Variants in ABI3BP observed in about 807,000 individuals in gnomAD.
ABI3BP encodes the protein ABI family member 3 binding protein.
A neutral mutation model predicts 268.6 loss-of-function variants in ABI3BP; 216 were observed. The observed-to-expected ratio is 0.80, with a 90% CI of 0.72 to 0.90. The LOEUF is 0.90. ABI3BP is among the 40% of genes least tolerant of loss of function. The probability of loss-of-function intolerance (pLI) is 0.00; values close to 1 mark genes in which losing one functional copy is unlikely to be tolerated. For missense variants in ABI3BP, 2,090 were observed against 2,182.4 expected (o/e 0.96, Z 0.84); for synonymous variants, 730 against 730.0 (o/e 1.00, Z 0.00).
chr3:100,761,300 C>T (rs1265194020), intron 63 of ABI3BP, among the ~76,000 whole-genome samples: 2 of 152,122 alleles, frequency 1.3e-5, no homozygotes, highest in Non-Finnish European at 2.9e-5. Flanking sequence ...CCTGTGTTAA[C>T]ATCTCTTTTG....
chr3:100,800,852 T>C (rs958207757), intron 51 of ABI3BP, among the ~76,000 whole-genome samples: 3 of 152,246 alleles, frequency 2.0e-5, no homozygotes, highest in African/African-American at 7.2e-5. Context: ...TTAAAATCTA[T>C]CTTAAAGCTC....
At chr3:100,774,473 C>A in intron 61 of ABI3BP, 132 bp downstream of exon 61, 2 of 645,514 alleles carry the variant, frequency 3.1e-6, no homozygotes, top group South Asian at 2.3e-5. Flanking sequence ...CTTGCAGACA[C>A]CCATGAAAAA....
At chr3:100,876,670 C>T in intron 6 of ABI3BP, 110 bp from the exon 7 acceptor site, 1 of 924,274 alleles carries the variant, frequency 1.1e-6, no homozygotes, top group South Asian at 1.5e-5. Flanking sequence ...ATGAAGTCTC[C>T]TGTGACACTG....
intron 56 of ABI3BP, 143 bp from the exon 57 acceptor site, chr3:100,787,945 A>G: frequency 2.0e-6 from 1 of 504,810 alleles, no homozygotes. Context: ...TATAGAAACC[A>G]CAGTCTCGTA....
intron 1 of ABI3BP, among the ~76,000 whole-genome samples, chr3:100,953,892 AAAAG>A: frequency 6.6e-6 from 1 of 152,342 alleles, no homozygotes; most frequent in Admixed American, 6.5e-5. Context: ...AGTTTGATTA[AAAAG>A]AAAGGATCAT....
chr3:100,815,928 A>T lies in ABI3BP; in HGVS notation c.3273T>A (p.Ala1091=). ...AATCATTACCAAATGTTGTTCCTGGAGCATCAGTACTATGAACAACAGGTT... is the reference window on the plus strand; with the variant it reads ...AATCATTACCAAATGTTGTTCCTGGTGCATCAGTACTATGAACAACAGGTT... ...GFEPVVHSTD[A]PGTTFALTEL... Residue 1091 remains alanine, a synonymous_variant, in exon 44 of 68, where the codon GCT becomes GCA. Transcript: ENST00000471714. The T allele has an allele frequency of 1.3e-6, 2 of 1,524,752 alleles. No individual in the cohort carries two copies. Among genetic ancestry groups the T allele is most frequent in the Non-Finnish European group, 1.7e-6 (2 of 1,143,778 alleles). The allele number at this position is 1,524,752 out of a possible 1,614,324, so 94.5% of individuals were successfully genotyped here.
chr3:100,915,157 C>T (rs2058168519), intron 2 of ABI3BP, among the ~76,000 whole-genome samples: 1 of 152,144 alleles, frequency 6.6e-6, no homozygotes, highest in Non-Finnish European at 1.5e-5. Context: ...CTTCCCCCTC[C>T]ACTTACTATC....
At chr3:100,978,506 A>G (rs886402489) in intron 1 of ABI3BP, among the ~76,000 whole-genome samples, 1 of 152,168 alleles carries the variant, frequency 6.6e-6, no homozygotes, top group South Asian at 2.1e-4. Context: ...AAACCTTTCA[A>G]CTGAAGTTTT....
chr3:100,864,904 G>A lies in ABI3BP; in HGVS notation c.992C>T (p.Thr331Ile). The change falls in exon 11 of 68, where the codon ACT becomes ATT. Residue 331 changes from threonine (T) to isoleucine (I), a missense_variant. By Grantham distance (89) the Thr-to-Ile change is moderately conservative (BLOSUM62 -1). Transcript: ENST00000471714. ...EKISARPTTV[T>I]PETVPRSTKP... ...AGTGCTTCTTGGAACTGTTTCAGGA[G>A]TCACTGAAAGGTAAAAAGCACAACT... 6.2e-7 allele frequency: 1 copy of A among 1,601,768 alleles called. No homozygotes were observed. Among genetic ancestry groups the A allele is most frequent in the Middle Eastern group, 2.1e-4 (1 of 4,772 alleles).
intron 2 of ABI3BP, chr3:100,911,089 G>A (rs372955521): frequency 9.0e-5 from 25 of 278,060 alleles, no homozygotes; most frequent in African/African-American, 4.7e-4. Context: ...TGTTTTACAT[G>A]GTTTGTCTTA....
intron 1 of ABI3BP, among the ~76,000 whole-genome samples, chr3:100,986,703 G>C (rs2153979283): frequency 6.6e-6 from 1 of 152,180 alleles, no homozygotes. Context: ...TTGACCTCAA[G>C]TAATCTGCTC....
intron 2 of ABI3BP, among the ~76,000 whole-genome samples, chr3:100,920,427 A>C (rs559096827): frequency 1.3e-5 from 2 of 151,918 alleles, no homozygotes; most frequent in South Asian, 4.2e-4. Context: ...TTTTTTTTAA[A>C]TTTTTTATTT....
intron 29 of ABI3BP, 75 bp downstream of exon 29, chr3:100,834,609 G>A (rs1451029696): frequency 2.0e-5 from 28 of 1,373,490 alleles, no homozygotes; most frequent in Non-Finnish European, 2.4e-5. Flanking sequence ...GGGTTATAAA[G>A]TGGCATGTTA....
At chr3:100,904,594 C>T (rs142182631) in intron 2 of ABI3BP, among the ~76,000 whole-genome samples, 255 of 152,246 alleles carry the variant, frequency 1.7e-3, no homozygotes, top group African/African-American at 5.8e-3. Flanking sequence ...TGTGAGAGAC[C>T]GTACTTTCCA....
chr3:100,928,212 A>C (rs2062455478), intron 1 of ABI3BP, among the ~76,000 whole-genome samples: 1 of 152,076 alleles, frequency 6.6e-6, no homozygotes, highest in African/African-American at 2.4e-5. Flanking sequence ...GGGGTTTTAG[A>C]TAAAGGATTC....
intron 1 of ABI3BP, among the ~76,000 whole-genome samples, chr3:100,977,366 G>A (rs2153927638): frequency 6.6e-6 from 1 of 152,296 alleles, no homozygotes; most frequent in East Asian, 1.9e-4. Context: ...TACTTGGGAG[G>A]AGCTGAACTG....
intron 51 of ABI3BP, among the ~76,000 whole-genome samples, chr3:100,803,218 GAATA>G (rs2097582424): frequency 6.9e-6 from 1 of 145,766 alleles, no homozygotes; most frequent in East Asian, 1.9e-4. Context: ...TGGATAAAAA[GAATA>G]AATAGGGATA....
At chr3:100,826,371 G>C (rs777943602) in intron 34 of ABI3BP, among the ~76,000 whole-genome samples, 7 of 152,090 alleles carry the variant, frequency 4.6e-5, no homozygotes, top group Non-Finnish European at 8.8e-5. Flanking sequence ...AGACTTGGCT[G>C]AACTATATCA....
chr3:100,909,623 C>T (rs2055322171), intron 2 of ABI3BP, among the ~76,000 whole-genome samples: 1 of 152,204 alleles, frequency 6.6e-6, no homozygotes, highest in Non-Finnish European at 1.5e-5. Context: ...TGAACAGACA[C>T]TTCTCAAAAG....
Sources: allele counts gnomAD v4.1 joint callset (sites outside exome capture counted in the v4.1 genomes callset), GRCh38; gene constraint gnomAD v4.1.1; transcripts MANE v1.5; gene names NCBI Gene and HGNC (gene_info 2026-07-23, HGNC 2026-07-21).